Variants in UBE2D2 observed in about 807,000 individuals in gnomAD.
The protein encoded by UBE2D2 is ubiquitin-conjugating enzyme E2 D2.
In UBE2D2, 2 loss-of-function variants were observed where a neutral mutation model predicts 24.2. That is an observed-to-expected ratio of 0.08 (90% CI 0.03 to 0.26). UBE2D2 has a LOEUF of 0.26. Among genes scored for constraint, UBE2D2 ranks in the 10% least tolerant of loss-of-function variants. The pLI is 1.00. For missense variants in UBE2D2, 44 were observed against 177.6 expected (o/e 0.25, Z 4.28); for synonymous variants, 58 against 56.5 (o/e 1.03, Z -0.12).
chr5:139,582,385 A>G (rs1753623110), intron 1 of UBE2D2, among the ~76,000 whole-genome samples: 1 of 150,276 alleles, frequency 6.7e-6, no homozygotes, highest in Non-Finnish European at 1.5e-5. Context: ...CTAATTTTGT[A>G]TTTTTAGTAG....
intron 1 of UBE2D2, among the ~76,000 whole-genome samples, chr5:139,543,427 G>A (rs1752783323): frequency 6.6e-6 from 1 of 152,144 alleles, no homozygotes; most frequent in African/African-American, 2.4e-5. Context: ...TCTGCCTTCC[G>A]TGGGCCCAGC....
intron 5 of UBE2D2, among the ~76,000 whole-genome samples, chr5:139,617,797 A>G (rs966517984): frequency 1.2e-4 from 18 of 152,096 alleles, no homozygotes; most frequent in Non-Finnish European, 2.5e-4. Context: ...AAAAGGAACA[A>G]TAATACATAT....
At chr5:139,574,699 A>C (rs1044464561) in intron 1 of UBE2D2, among the ~76,000 whole-genome samples, 3 of 151,436 alleles carry the variant, frequency 2.0e-5, no homozygotes, top group Non-Finnish European at 4.4e-5. Flanking sequence ...GTGTTTGCCA[A>C]CAACATTCAG....
chr5:139,551,575 T>C (rs1248253477), intron 1 of UBE2D2, among the ~76,000 whole-genome samples: 1 of 152,210 alleles, frequency 6.6e-6, no homozygotes, highest in Admixed American at 6.6e-5. Context: ...CATGAATTGC[T>C]CATTATTCAG....
chr5:139,527,526 C>T (rs1321331377), intron 1 of UBE2D2, among the ~76,000 whole-genome samples: 2 of 151,946 alleles, frequency 1.3e-5, no homozygotes, highest in Non-Finnish European at 2.9e-5. Context: ...AATCTTGTGG[C>T]CTTAGACAGT....
Position 139,567,870 on chromosome 5 carries a change from G to A in UBE2D2, c.24+6055G>A, listed in dbSNP as rs184616960. Reference sequence around the variant, plus strand: ...TTTGTGTGAGGTCTTGGGAAAACCAGTTTTGTAAATACATTGATCCCGTAG... The same window carrying A: ...TTTGTGTGAGGTCTTGGGAAAACCAATTTTGTAAATACATTGATCCCGTAG... On this transcript the variant is annotated intron_variant, in intron 1 of 6. Transcript: ENST00000398733. Among the ~76,000 whole-genome samples the A allele has an allele frequency of 5.3e-3, 804 of 152,252 alleles. 10 individuals carry two copies. The highest frequency in any genetic ancestry group is 0.018 in the African/African-American group (761 of 41,556).
intron 1 of UBE2D2, among the ~76,000 whole-genome samples, chr5:139,585,684 T>C (rs962110975): frequency 3.9e-5 from 6 of 152,176 alleles, no homozygotes; most frequent in African/African-American, 1.4e-4. Flanking sequence ...GTGCCTCTAA[T>C]GTTCCAGTCT....
At chr5:139,614,121 T>G (rs909252474) in intron 2 of UBE2D2, among the ~76,000 whole-genome samples, 1 of 152,000 alleles carries the variant, frequency 6.6e-6, no homozygotes, top group African/African-American at 2.4e-5. Flanking sequence ...TGATTTACCC[T>G]GTGAGGTAAA....
intron 1 of UBE2D2, among the ~76,000 whole-genome samples, chr5:139,577,987 C>CT (rs1308140924): frequency 6.6e-6 from 1 of 152,160 alleles, no homozygotes; most frequent in African/African-American, 2.4e-5. Context: ...GAAGGAAGCC[C>CT]TTTTCCTCGC....
intron 1 of UBE2D2, among the ~76,000 whole-genome samples, chr5:139,596,223 C>G (rs1753957088): frequency 6.6e-6 from 1 of 151,414 alleles, no homozygotes; most frequent in Admixed American, 6.6e-5. Context: ...ATATTTTATG[C>G]ACATGTAAAG....
intron 1 of UBE2D2, among the ~76,000 whole-genome samples, chr5:139,563,610 G>C (rs1753156443): frequency 6.6e-6 from 1 of 152,122 alleles, no homozygotes; most frequent in Non-Finnish European, 1.5e-5. Context: ...AGAGCAAGTG[G>C]GTATAATGTG....
intron 1 of UBE2D2, among the ~76,000 whole-genome samples, chr5:139,543,482 G>A (rs1261443461): frequency 6.6e-6 from 1 of 152,162 alleles, no homozygotes; most frequent in Non-Finnish European, 1.5e-5. Flanking sequence ...GTCAGTAGGC[G>A]GGCTGCAGAG....
At chr5:139,583,691 A>AGT (rs1753655395) in intron 1 of UBE2D2, among the ~76,000 whole-genome samples, 1 of 152,138 alleles carries the variant, frequency 6.6e-6, no homozygotes, top group South Asian at 2.1e-4. Context: ...GAACCCAGGA[A>AGT]GTGGAGGTTG....
intron 1 of UBE2D2, among the ~76,000 whole-genome samples, chr5:139,526,924 G>A (rs772005563): frequency 9.9e-5 from 15 of 152,072 alleles, no homozygotes; most frequent in Non-Finnish European, 1.9e-4. Flanking sequence ...TGGTATAAAC[G>A]GTAAAAGTGT....
At chr5:139,560,116 C>T (rs149715370), upstream of UBE2D2, among the ~76,000 whole-genome samples, 1,157 of 151,552 alleles carry the variant, frequency 7.6e-3, 8 homozygotes, top group Middle Eastern at 0.041. Context: ...TCACTGCAAC[C>T]TCTGCCTCCT....
At chr5:139,581,894 C>T (rs1344091947) in intron 1 of UBE2D2, among the ~76,000 whole-genome samples, 3 of 152,118 alleles carry the variant, frequency 2.0e-5, no homozygotes, top group Non-Finnish European at 2.9e-5. Context: ...GTTTCAAACT[C>T]CTGACCTTGT....
At chr5:139,595,772 A>G (rs1011341504) in intron 1 of UBE2D2, among the ~76,000 whole-genome samples, 2 of 152,096 alleles carry the variant, frequency 1.3e-5, no homozygotes, top group African/African-American at 4.8e-5. Context: ...ACACACTTTT[A>G]TAAAATTCAA....
chr5:139,605,335 G>A (rs1173571454), intron 2 of UBE2D2, among the ~76,000 whole-genome samples: 2 of 152,218 alleles, frequency 1.3e-5, no homozygotes, highest in East Asian at 3.9e-4. Context: ...GCTCACGCCT[G>A]TAATCCCAAC....
Position 139,561,535 on chromosome 5 carries a change from CGGCGGCGGCGGCGGTGGCGGCTAG to C in UBE2D2, c.-246_-223del, listed in dbSNP as rs1302371423. ...TGATCCTGGGAGGAAGAGGCAGCTA[CGGCGGCGGCGGCGGTGGCGGCTAG>C]GGCGGCGGCGAATAAAGGGGCCGCC... On this transcript the variant is annotated 5_prime_UTR_variant, in exon 1 of 7. Coordinates refer to ENST00000398733, the MANE Select transcript of UBE2D2 (RefSeq NM_003339.3). 3 of 403,570 alleles carry C rather than the reference CGGCGGCGGCGGCGGTGGCGGCTAG, an allele frequency of 7.4e-6. No individual in the cohort carries two copies. Among genetic ancestry groups the C allele is most frequent in the Non-Finnish European group, 1.3e-5 (3 of 228,126 alleles). 25.0% of individuals were successfully genotyped at this position (403,570 alleles called of 1,614,324 possible).
Sources: gnomAD v4.1 joint callset for allele counts (sites outside exome capture counted in the v4.1 genomes callset) on GRCh38, gnomAD v4.1.1 for gene constraint, MANE v1.5 for transcripts, NCBI Gene and HGNC (gene_info 2026-07-23, HGNC 2026-07-21) for gene names.